SLC28A3: variants seen among roughly 807,000 people sequenced by gnomAD.
The protein encoded by SLC28A3 is solute carrier family 28 member 3.
In SLC28A3, 68 loss-of-function variants were observed where a neutral mutation model predicts 84.2. The observed-to-expected ratio is 0.81, with a 90% CI of 0.66 to 0.99. The LOEUF (loss-of-function observed/expected upper bound fraction) is 0.99. Ranked by LOEUF, SLC28A3 falls within the 50% of genes least tolerant of loss-of-function variation. The pLI is 0.00. For missense variants in SLC28A3, 712 were observed against 841.5 expected, an observed-to-expected ratio of 0.85 and a Z score of 1.90; for synonymous variants, 267 against 303.6, an observed-to-expected ratio of 0.88 and a Z score of 1.25.
rs115769074 is a variant in SLC28A3 at position 84,337,157 on chromosome 9, T to C, written c.60+3417A>G. 6.5e-3 allele frequency among the ~76,000 whole-genome samples: 988 copies of C among 152,258 alleles called. 9 individuals carry two copies. Among genetic ancestry groups the C allele is most frequent in the African/African-American group, 0.023 (943 of 41,554 alleles). On this transcript the variant is annotated intron_variant, in intron 1 of 17. Transcript: ENST00000376238. ...AATAAATATAAGAATACAATGCACT[T>C]GGTGCAAACCTCCGCCATTTTCCTT...
chr9:84,290,404 G>T, intron 10 of SLC28A3, 125 bp from the exon 11 acceptor site: 1 of 1,170,670 alleles, frequency 8.5e-7, no homozygotes, highest in Non-Finnish European at 1.2e-6. Flanking sequence ...CCTCAGACCA[G>T]CTCCATCAGC....
At chr9:84,323,759 T>C (rs1036026028) in intron 1 of SLC28A3, among the ~76,000 whole-genome samples, 1 of 151,998 alleles carries the variant, frequency 6.6e-6, no homozygotes, top group African/African-American at 2.4e-5. Context: ...CAGTACTTGA[T>C]TTTTAACACC....
chr9:84,291,749 A>G (rs1825231684), intron 10 of SLC28A3, among the ~76,000 whole-genome samples: 1 of 152,084 alleles, frequency 6.6e-6, no homozygotes, highest in Admixed American at 6.5e-5. Context: ...TGTTTTTCTG[A>G]GTGACTTGAT....
chr9:84,290,110 A>G (rs1179872503), intron 11 of SLC28A3, 44 bp downstream of exon 11: 1 of 1,597,994 alleles, frequency 6.3e-7, no homozygotes, highest in African/African-American at 1.3e-5. Flanking sequence ...ACAATAATAA[A>G]GAAAGAAGAG....
chr9:84,299,700 C>G lies in SLC28A3; in HGVS notation c.550G>C (p.Ala184Pro). 2 of 1,609,776 alleles carry G rather than the reference C, an allele frequency of 1.2e-6. No individual in the cohort carries two copies. The highest frequency in any genetic ancestry group is 1.7e-6 in the Non-Finnish European group (2 of 1,178,880). ...TCAAAGGCCAACCAGAAAATAACTG[C>G]TAGGACCAGGGAGCTCCAGATCACC... ...KWVIWSSLVL[A>P]VIFWLAFDTA... Residue 184 changes from alanine to proline, a missense_variant, in exon 6 of 18, where the codon GCA (alanine) becomes CCA (proline). Ala to Pro is a conservative substitution (Grantham distance 27). Coordinates refer to ENST00000376238, the MANE Select transcript of SLC28A3 (RefSeq NM_001199633.2).
chr9:84,314,671 A>G (rs1435984791), intron 1 of SLC28A3, among the ~76,000 whole-genome samples: 1 of 152,236 alleles, frequency 6.6e-6, no homozygotes, highest in Non-Finnish European at 1.5e-5. Flanking sequence ...AGTTGCTTAT[A>G]TCCTACAGTT....
chr9:84,304,746 G>A (rs1431808819), intron 4 of SLC28A3, among the ~76,000 whole-genome samples: 1 of 152,224 alleles, frequency 6.6e-6, no homozygotes, highest in Non-Finnish European at 1.5e-5. Context: ...GCTGGGCCCG[G>A]CACAGTGGAT....
intron 1 of SLC28A3, among the ~76,000 whole-genome samples, chr9:84,315,252 A>G (rs1417085327): frequency 6.6e-6 from 1 of 152,128 alleles, no homozygotes; most frequent in African/African-American, 2.4e-5. Context: ...AATAAAACCA[A>G]ACATGAATTG....
chr9:84,309,331 T>G (rs1825902103), intron 3 of SLC28A3, among the ~76,000 whole-genome samples: 1 of 151,914 alleles, frequency 6.6e-6, no homozygotes, highest in African/African-American at 2.4e-5. Context: ...GAGACCAGCC[T>G]GGCCAACATG....
At position 84,276,912 on chromosome 9, in the gene SLC28A3, T is replaced by G. The variant is rs1824546092; in HGVS notation, c.*1306A>C. 1 of 152,258 alleles carries G rather than the reference T, an allele frequency of 6.6e-6. No individual in the cohort carries two copies. Among genetic ancestry groups the G allele is most frequent in the African/African-American group, 2.4e-5 (1 of 41,474 alleles). 9.4% of individuals were successfully genotyped at this position (152,258 alleles called of 1,614,324 possible). A position where few individuals can be genotyped will look rare whatever the true frequency, so the allele number is the denominator to read the frequency against. ...TGTTTCTTGACTTGGTAATTGATGT[T>G]TGTGTTTTCTCACAGCATGTGGTCT... On this transcript the variant is annotated 3_prime_UTR_variant, in exon 18 of 18. Transcript: ENST00000376238.
upstream of SLC28A3, among the ~76,000 whole-genome samples, chr9:84,345,606 T>C (rs1460486130): frequency 6.6e-6 from 1 of 152,176 alleles, no homozygotes; most frequent in Non-Finnish European, 1.5e-5. Context: ...GAGCATATCA[T>C]TGTGCAAGTC....
the SLC28A3 span, among the ~76,000 whole-genome samples, chr9:84,363,960 T>C: frequency 6.6e-6 from 1 of 152,070 alleles, no homozygotes; most frequent in Non-Finnish European, 1.5e-5. Context: ...TAAAAAAATT[T>C]ATCTTTAATT....
intron 4 of SLC28A3, among the ~76,000 whole-genome samples, chr9:84,303,361 C>T (rs1044611514): frequency 1.3e-5 from 2 of 152,158 alleles, no homozygotes; most frequent in African/African-American, 2.4e-5. Flanking sequence ...GCTCTTGTTG[C>T]CCAGGATAAA....
In SLC28A3 at chr9:84,276,364, T is replaced by C. The variant is rs909013482; in HGVS notation, c.*1854A>G. ...TTTAGCGTGGCTACTAGATCTTAAA[T>C]TACATGTGACTTGCATATGTCTATC... On this transcript the variant is annotated 3_prime_UTR_variant, in exon 18 of 18. Coordinates refer to ENST00000376238, the MANE Select transcript of SLC28A3 (RefSeq NM_001199633.2). The C allele has an allele frequency of 1.3e-5, 2 of 151,710 alleles. No individual in the cohort carries two copies. The highest frequency in any genetic ancestry group is 2.9e-5 in the Non-Finnish European group (2 of 67,974). 9.4% of individuals were successfully genotyped at this position (151,710 alleles called of 1,614,324 possible). A position where few individuals can be genotyped will look rare whatever the true frequency, so the allele number is the denominator to read the frequency against.
chr9:84,353,806 G>C, the SLC28A3 span, among the ~76,000 whole-genome samples: 1 of 152,060 alleles, frequency 6.6e-6, no homozygotes, highest in South Asian at 2.1e-4. Context: ...ACCTATGTAG[G>C]TTTATATGCT....
intron 2 of SLC28A3, among the ~76,000 whole-genome samples, chr9:84,312,249 T>G (rs1193040067): frequency 2.0e-5 from 3 of 152,216 alleles, no homozygotes; most frequent in African/African-American, 7.2e-5. Flanking sequence ...TGAAGAATAC[T>G]TAGTGAACAT....
At chr9:84,365,848 C>G in the SLC28A3 span, among the ~76,000 whole-genome samples, 2 of 151,986 alleles carry the variant, frequency 1.3e-5, no homozygotes, top group Non-Finnish European at 2.9e-5. Flanking sequence ...GTTGGGAGTT[C>G]GAGACCAGCC....
chr9:84,312,543 T>A (rs932222273), intron 2 of SLC28A3, among the ~76,000 whole-genome samples: 4 of 56,252 alleles, frequency 7.1e-5, no homozygotes, highest in Non-Finnish European at 9.2e-5. Flanking sequence ...CCCAAATTCC[T>A]TTTTTTTTTT....
At chr9:84,327,681 C>T (rs1485321967) in intron 1 of SLC28A3, among the ~76,000 whole-genome samples, 1 of 152,106 alleles carries the variant, frequency 6.6e-6, no homozygotes, top group African/African-American at 2.4e-5. Flanking sequence ...AATCCCAGCA[C>T]TTTGGGAGGC....
Sources: gnomAD v4.1 joint callset for allele counts (sites outside exome capture counted in the v4.1 genomes callset) on GRCh38, gnomAD v4.1.1 for gene constraint, MANE v1.5 for transcripts, NCBI Gene and HGNC (gene_info 2026-07-23, HGNC 2026-07-21) for gene names.